Variants in TM4SF4 observed in about 807,000 individuals in gnomAD.
TM4SF4 encodes the protein transmembrane 4 L6 family member 4.
A neutral mutation model predicts 24.1 loss-of-function variants in TM4SF4; 24 were observed. The ratio of observed to expected loss-of-function variants is 1.00; its 90% CI spans 0.72 to 1.40. The LOEUF is 1.40. Ranked by LOEUF, TM4SF4 falls within the 40% of genes most tolerant of loss-of-function variation. TM4SF4 has a pLI of 0.00. For synonymous variants in TM4SF4, 113 were observed against 97.0 expected, an observed-to-expected ratio of 1.17 and a Z score of -0.97; for missense variants, 254 against 254.2, an observed-to-expected ratio of 1.00 and a Z score of 0.01.
At chr3:149,496,716 C>T (rs753946467) in intron 3 of TM4SF4, among the ~76,000 whole-genome samples, 1 of 151,970 alleles carries the variant, frequency 6.6e-6, no homozygotes, top group African/African-American at 2.4e-5. Flanking sequence ...TGCAGTGAGC[C>T]GAGATTGTGC....
chr3:149,483,339 C>G (rs1440282032), intron 2 of TM4SF4, among the ~76,000 whole-genome samples: 1 of 152,102 alleles, frequency 6.6e-6, no homozygotes, highest in Non-Finnish European at 1.5e-5. Flanking sequence ...GGTATGATGG[C>G]TCAGTAATCC....
intron 2 of TM4SF4, among the ~76,000 whole-genome samples, chr3:149,478,356 G>C (rs996774608): frequency 1.3e-5 from 2 of 152,106 alleles, no homozygotes; most frequent in African/African-American, 2.4e-5. Context: ...TGTTAGCCAG[G>C]CTGGTCTGGA....
At chr3:149,483,657 A>G (rs4681509) in intron 2 of TM4SF4, among the ~76,000 whole-genome samples, 54,582 of 151,992 alleles carry the variant, frequency 0.36, 10,294 homozygotes, top group Non-Finnish European at 0.43. Context: ...AGAAACTTCA[A>G]AAAAGCTCCT....
At chr3:149,476,099 C>A (rs774443241) in intron 2 of TM4SF4, among the ~76,000 whole-genome samples, 187 bp downstream of exon 2, 1 of 152,192 alleles carries the variant, frequency 6.6e-6, no homozygotes, top group Non-Finnish European at 1.5e-5. Flanking sequence ...ATACCATAGC[C>A]CTCATACTTA....
At chr3:149,477,866 T>A (rs1463576895) in intron 2 of TM4SF4, among the ~76,000 whole-genome samples, 2 of 152,088 alleles carry the variant, frequency 1.3e-5, no homozygotes, top group Admixed American at 6.5e-5. Context: ...AAGTTGGAGA[T>A]GAGGATTTTT....
intron 3 of TM4SF4, among the ~76,000 whole-genome samples, chr3:149,492,042 G>A (rs949081236): frequency 6.6e-6 from 1 of 152,128 alleles, no homozygotes; most frequent in South Asian, 2.1e-4. Flanking sequence ...GAGGCATGAT[G>A]GTTCTAGTGA....
chr3:149,488,768 G>T (rs1006700959), intron 3 of TM4SF4, among the ~76,000 whole-genome samples: 1 of 151,922 alleles, frequency 6.6e-6, no homozygotes, highest in Non-Finnish European at 1.5e-5. Flanking sequence ...TTTTTGTTTT[G>T]TTCACCGTCT....
intron 3 of TM4SF4, chr3:149,495,880 C>A: frequency 5.4e-6 from 1 of 183,914 alleles, no homozygotes; most frequent in South Asian, 1.2e-4. Flanking sequence ...TCCTCTGGGT[C>A]ATGTTGCTGT....
intron 3 of TM4SF4, 140 bp downstream of exon 3, chr3:149,487,895 G>A (rs1734147020): frequency 1.6e-6 from 2 of 1,233,056 alleles, no homozygotes. Flanking sequence ...GGCAGAGATG[G>A]AGTTGTGGAA....
intron 4 of TM4SF4, among the ~76,000 whole-genome samples, chr3:149,499,955 C>T (rs989817535): frequency 6.6e-6 from 1 of 152,126 alleles, no homozygotes; most frequent in Admixed American, 6.5e-5. Context: ...TACATGTATA[C>T]ACACACAGAG....
At chr3:149,491,456 A>C (rs1734208657) in intron 3 of TM4SF4, among the ~76,000 whole-genome samples, 3 of 151,176 alleles carry the variant, frequency 2.0e-5, no homozygotes. Flanking sequence ...ACAGAGCCAG[A>C]CCCTGTCTCA....
intron 4 of TM4SF4, among the ~76,000 whole-genome samples, chr3:149,500,595 C>A (rs952614167): frequency 1.3e-5 from 2 of 152,092 alleles, no homozygotes; most frequent in African/African-American, 4.8e-5. Flanking sequence ...AAATATTGAG[C>A]ATTTATATCT....
intron 2 of TM4SF4, among the ~76,000 whole-genome samples, chr3:149,478,678 CTAGCACGG>C (rs1311264136): frequency 3.9e-5 from 6 of 152,190 alleles, no homozygotes; most frequent in Non-Finnish European, 5.9e-5. Context: ...ACCAAGGCAC[CTAGCACGG>C]CTGCCCTGGG....
At chr3:149,488,669 T>C (rs1364044013) in intron 3 of TM4SF4, among the ~76,000 whole-genome samples, 1 of 152,226 alleles carries the variant, frequency 6.6e-6, no homozygotes, top group African/African-American at 2.4e-5. Context: ...CTGTATTGAA[T>C]AGCACAGATC....
At chr3:149,484,133 C>T (rs1734078902) in intron 2 of TM4SF4, among the ~76,000 whole-genome samples, 1 of 152,096 alleles carries the variant, frequency 6.6e-6, no homozygotes, top group Non-Finnish European at 1.5e-5. Flanking sequence ...AATGTCTTTG[C>T]TACTACTAAA....
chr3:149,499,007 G>A, intron 4 of TM4SF4, 96 bp downstream of exon 4: 2 of 1,320,970 alleles, frequency 1.5e-6, no homozygotes, highest in Non-Finnish European at 2.1e-6. Flanking sequence ...AGCACTGAAG[G>A]AATGAGGGGG....
chr3:149,483,878 T>C (rs536221942), intron 2 of TM4SF4, among the ~76,000 whole-genome samples: 1 of 152,274 alleles, frequency 6.6e-6, no homozygotes, highest in South Asian at 2.1e-4. Flanking sequence ...CGTCCCATGC[T>C]GAAGCAATTC....
intron 3 of TM4SF4, among the ~76,000 whole-genome samples, chr3:149,496,250 C>A (rs1357388765): frequency 6.6e-6 from 1 of 151,966 alleles, no homozygotes; most frequent in Admixed American, 6.6e-5. Context: ...CACTCTGTCA[C>A]CCAGGCTGGA....
intron 3 of TM4SF4, among the ~76,000 whole-genome samples, chr3:149,497,999 G>A (rs149087757): frequency 1.5e-3 from 223 of 152,266 alleles, no homozygotes; most frequent in African/African-American, 4.6e-3. Flanking sequence ...TAAATATATT[G>A]CAGTTTCTCC....
Sources: allele counts gnomAD v4.1 joint callset (sites outside exome capture counted in the v4.1 genomes callset), GRCh38; gene constraint gnomAD v4.1.1; transcripts MANE v1.5; gene names NCBI Gene and HGNC (gene_info 2026-07-23, HGNC 2026-07-21).